Variants in MYO3A observed in about 807,000 individuals in gnomAD.
MYO3A encodes the protein myosin IIIA.
A neutral mutation model predicts 192.7 loss-of-function variants in MYO3A; 180 were observed. The observed-to-expected ratio is 0.93, with a 90% CI of 0.83 to 1.06. The LOEUF (loss-of-function observed/expected upper bound fraction) is 1.06. MYO3A is among the 50% of genes least tolerant of loss of function. MYO3A has a pLI of 0.00. For missense variants in MYO3A, 1,896 were observed against 1,905.0 expected (o/e 1.00, Z 0.09); for synonymous variants, 628 against 645.3 (o/e 0.97, Z 0.41).
At chr10:26,105,447 C>A (rs1837738434) in intron 17 of MYO3A, among the ~76,000 whole-genome samples, 1 of 152,056 alleles carries the variant, frequency 6.6e-6, no homozygotes, top group Non-Finnish European at 1.5e-5. Context: ...GTATCCTTGA[C>A]AAATAATATA....
At chr10:26,024,357 T>C (rs1239607518) in intron 9 of MYO3A, among the ~76,000 whole-genome samples, 1 of 152,136 alleles carries the variant, frequency 6.6e-6, no homozygotes, top group Admixed American at 6.5e-5. Flanking sequence ...GTGTTTTGCC[T>C]ATGGGTGTCA....
rs548156922 is a variant in MYO3A at position 26,008,471 on chromosome 10, C to T, written c.509-8349C>T. ...AACCTACAAAATGGGAGAAAATTTT[C>T]GCAACCTACTCGTCTGACAAAGGGC... On this transcript the variant is annotated intron_variant, in intron 6 of 34. Transcript: ENST00000642920. 1.3e-3 allele frequency among the ~76,000 whole-genome samples: 197 copies of T among 147,852 alleles called. 15 individuals are homozygous for T. Among genetic ancestry groups the T allele is most frequent in the African/African-American group, 4.9e-3 (188 of 38,138 alleles).
At chr10:26,156,946 A>G (rs977054113) in intron 25 of MYO3A, among the ~76,000 whole-genome samples, 1 of 152,164 alleles carries the variant, frequency 6.6e-6, no homozygotes, top group Non-Finnish European at 1.5e-5. Context: ...TATAAGAAGG[A>G]TTAGTAAGAT....
At chr10:26,046,279 A>C (rs57328269) in intron 10 of MYO3A, among the ~76,000 whole-genome samples, 24,734 of 152,192 alleles carry the variant, frequency 0.16, 2,304 homozygotes, top group Non-Finnish European at 0.21. Flanking sequence ...CAGAATTGAA[A>C]TGGGTTGGAG....
At chr10:25,961,003 G>T (rs1047217274) in intron 4 of MYO3A, among the ~76,000 whole-genome samples, 2 of 152,086 alleles carry the variant, frequency 1.3e-5, no homozygotes, top group African/African-American at 2.4e-5. Flanking sequence ...AAACCATTTT[G>T]CCTTACATTA....
chr10:26,073,950 A>C (rs1217444984), intron 14 of MYO3A, among the ~76,000 whole-genome samples: 2 of 152,166 alleles, frequency 1.3e-5, no homozygotes, highest in Non-Finnish European at 2.9e-5. Flanking sequence ...GTACAGTATA[A>C]AGGGTGACTC....
At chr10:26,188,704 T>C (rs1842978698) in intron 31 of MYO3A, among the ~76,000 whole-genome samples, 1 of 152,256 alleles carries the variant, frequency 6.6e-6, no homozygotes, top group Non-Finnish European at 1.5e-5. Flanking sequence ...TTTCTACATA[T>C]GGCTAGCCAG....
intron 18 of MYO3A, among the ~76,000 whole-genome samples, chr10:26,124,987 A>G (rs932608080): frequency 2.6e-5 from 4 of 152,208 alleles, no homozygotes; most frequent in Non-Finnish European, 5.9e-5. Flanking sequence ...AGTCTAAGTA[A>G]CCTGTTCCAG....
chr10:25,952,457 A>G (rs1837269370), intron 3 of MYO3A, among the ~76,000 whole-genome samples, 179 bp downstream of exon 3: 2 of 152,162 alleles, frequency 1.3e-5, no homozygotes, highest in Non-Finnish European at 1.5e-5. Context: ...TGCTTAGTAT[A>G]TGTAATAAGG....
intron 20 of MYO3A, among the ~76,000 whole-genome samples, chr10:26,133,516 G>C (rs1286043148): frequency 1.3e-5 from 2 of 152,206 alleles, no homozygotes; most frequent in Non-Finnish European, 2.9e-5. Flanking sequence ...CATTGGTGAA[G>C]TTTGGTCGAC....
chr10:26,000,598 A>G (rs1840730877), intron 6 of MYO3A, among the ~76,000 whole-genome samples: 1 of 150,902 alleles, frequency 6.6e-6, no homozygotes. Context: ...GTTTTCAGGG[A>G]TACACCACAG....
Position 26,026,372 on chromosome 10 carries a change from T to C in MYO3A, c.798-5T>C, listed in dbSNP as rs1842544083. On this transcript the variant is annotated splice_region_variant and splice_polypyrimidine_tract_variant and intron_variant, in intron 9 of 34. Transcript: ENST00000642920. ...ATAATTGCATGTTCTTTTTTGCCAG[T>C]GCAGGTGCTTGACTAAAGATTATGA... 2 of 1,614,086 alleles carry C rather than the reference T, an allele frequency of 1.2e-6. No homozygotes were observed. The highest frequency in any genetic ancestry group is 1.7e-5 in the Admixed American group (1 of 60,028).
chr10:26,070,467 G>C, intron 14 of MYO3A, 66 bp downstream of exon 14: 12 of 1,307,760 alleles, frequency 9.2e-6, no homozygotes, highest in African/African-American at 1.5e-5. Flanking sequence ...TAATATAACT[G>C]ATTAGATTAA....
At chr10:25,988,367 A>T (rs547911299) in intron 4 of MYO3A, among the ~76,000 whole-genome samples, 14,446 of 152,018 alleles carry the variant, frequency 0.095, 1,210 homozygotes, top group African/African-American at 0.22. Context: ...TTGAAATTTA[A>T]AAAAAATTTA....
chr10:26,038,274 A>T (rs985764848), intron 10 of MYO3A, among the ~76,000 whole-genome samples: 16 of 152,186 alleles, frequency 1.1e-4, no homozygotes, highest in African/African-American at 3.6e-4. Flanking sequence ...TTGCAATTAA[A>T]TCTGTAGATT....
chr10:26,160,484 A>G lies in MYO3A; in HGVS notation c.2999+2969A>G, dbSNP rs549689503. Among the ~76,000 whole-genome samples, 4 of 152,174 alleles carry G rather than the reference A, an allele frequency of 2.6e-5. No homozygotes were observed. The East Asian group carries it at 7.7e-4, about 29-fold the overall frequency. On this transcript the variant is annotated intron_variant, in intron 26 of 34. Transcript: ENST00000642920. ...GTAGCAAGACCCCATCTCTAAAAAC[A>G]ATTTTTTTTAATTAGCTGGGTGTGG...
chr10:26,155,578 T>G lies in MYO3A; in HGVS notation c.2793+755T>G, dbSNP rs190569949. On this transcript the variant is annotated intron_variant, in intron 25 of 34. Coordinates refer to ENST00000642920, the MANE Select transcript of MYO3A (RefSeq NM_017433.5). ...GAAATTAGATTAAATTTACTCTAAG[T>G]GTTCAGTGAATGTATCCAACTCTCT... Among the ~76,000 whole-genome samples, 4 of 152,328 alleles carry G rather than the reference T, an allele frequency of 2.6e-5. No homozygotes were observed. The East Asian group carries it at 5.8e-4, about 22-fold the overall frequency.
Position 26,090,272 on chromosome 10 carries a change from A to G in MYO3A, c.1562+1867A>G, listed in dbSNP as rs139897878. On this transcript the variant is annotated intron_variant, in intron 15 of 34. Transcript: ENST00000642920. ...TTGAGTGCAGGAACTCAGTTCATAT[A>G]GAAGAGCACATGAACAGAACACTCT... Among the ~76,000 whole-genome samples, 246 of 152,368 alleles carry G rather than the reference A, an allele frequency of 1.6e-3. 5 individuals carry two copies. The East Asian group carries it at 0.027, about 16-fold the overall frequency.
intron 6 of MYO3A, among the ~76,000 whole-genome samples, chr10:26,004,686 A>T (rs79692222): frequency 2.6e-4 from 39 of 152,268 alleles, no homozygotes; most frequent in Non-Finnish European, 4.6e-4. Flanking sequence ...TCAAATAATG[A>T]TGGAGACATG....
Sources: allele counts gnomAD v4.1 joint callset (sites outside exome capture counted in the v4.1 genomes callset), GRCh38; gene constraint gnomAD v4.1.1; transcripts MANE v1.5; gene names NCBI Gene and HGNC (gene_info 2026-07-23, HGNC 2026-07-21).